IFT25: variants seen among roughly 807,000 people sequenced by gnomAD.
IFT25 encodes the protein intraflagellar transport protein 25 homolog.
the IFT25 span, among the ~76,000 whole-genome samples, chr1:53,926,526 G>A: frequency 6.6e-6 from 1 of 151,966 alleles, no homozygotes; most frequent in Non-Finnish European, 1.5e-5. Flanking sequence ...TAAAAATAGT[G>A]GTTTAATATA....
the IFT25 span, among the ~76,000 whole-genome samples, chr1:53,914,205 C>A: frequency 4.3e-4 from 66 of 152,194 alleles, 3 homozygotes; most frequent in African/African-American, 1.4e-4. Context: ...CCTTTCATAA[C>A]CATGACACGT....
At chr1:53,928,456 A>C in the IFT25 span, 2 of 1,569,712 alleles carry the variant, frequency 1.3e-6, no homozygotes, top group Non-Finnish European at 1.8e-6. Flanking sequence ...ATTGTAAACA[A>C]AGTAAGTAAA....
At chr1:53,945,427 C>A in the IFT25 span, 1 of 152,678 alleles carries the variant, frequency 6.5e-6, no homozygotes, top group Admixed American at 6.5e-5. Context: ...TCCACGCCTC[C>A]CGCCGCGCGT....
chr1:53,923,114 G>A, the IFT25 span, among the ~76,000 whole-genome samples: 1 of 152,152 alleles, frequency 6.6e-6, no homozygotes, highest in African/African-American at 2.4e-5. Flanking sequence ...GGCCTCCCCA[G>A]TACTTGGGTG....
chr1:53,932,779 T>C, the IFT25 span, among the ~76,000 whole-genome samples: 1 of 152,208 alleles, frequency 6.6e-6, no homozygotes, highest in East Asian at 1.9e-4. Context: ...TTGTCCAGGC[T>C]GGTCTCACAC....
the IFT25 span, among the ~76,000 whole-genome samples, chr1:53,935,406 G>A: frequency 1.3e-5 from 2 of 152,184 alleles, no homozygotes; most frequent in Admixed American, 6.5e-5. Flanking sequence ...GGGCTAGTAT[G>A]GATGGGAAAA....
chr1:53,932,596 G>T, the IFT25 span, among the ~76,000 whole-genome samples: 1 of 152,260 alleles, frequency 6.6e-6, no homozygotes, highest in East Asian at 1.9e-4. Flanking sequence ...ACAGAGTCTC[G>T]CTCTGTCACC....
chr1:53,934,849 A>G, the IFT25 span, among the ~76,000 whole-genome samples: 1 of 152,124 alleles, frequency 6.6e-6, no homozygotes, highest in Non-Finnish European at 1.5e-5. Context: ...AAATACAGAA[A>G]TGAGCCAGGT....
the IFT25 span, among the ~76,000 whole-genome samples, chr1:53,914,417 C>T: frequency 2.6e-5 from 4 of 151,998 alleles, no homozygotes; most frequent in South Asian, 6.2e-4. Flanking sequence ...GAGTAAAAAT[C>T]GCTTTACCCC....
chr1:53,928,284 C>A, the IFT25 span: 1 of 1,064,962 alleles, frequency 9.4e-7, no homozygotes, highest in South Asian at 1.4e-5. Context: ...CATCTTTTTT[C>A]ACCAAAGTGC....
the IFT25 span, among the ~76,000 whole-genome samples, chr1:53,914,706 G>C: frequency 6.6e-6 from 1 of 152,082 alleles, no homozygotes; most frequent in Admixed American, 6.6e-5. Flanking sequence ...GATGTACACT[G>C]CCACACACTA....
the IFT25 span, among the ~76,000 whole-genome samples, chr1:53,923,021 A>G: frequency 6.6e-6 from 1 of 152,208 alleles, no homozygotes; most frequent in South Asian, 2.1e-4. Flanking sequence ...GCAGGGGCTT[A>G]CTAATCATAA....
At chr1:53,919,972 C>CT in the IFT25 span, among the ~76,000 whole-genome samples, 5 of 151,900 alleles carry the variant, frequency 3.3e-5, no homozygotes, top group Non-Finnish European at 7.4e-5. Flanking sequence ...TTATTTTTAA[C>CT]TTTTTTTGTA....
chr1:53,941,417 T>C, the IFT25 span, among the ~76,000 whole-genome samples: 160 of 152,292 alleles, frequency 1.1e-3, no homozygotes, highest in South Asian at 2.3e-3. Flanking sequence ...AAAATGCATT[T>C]CTTCTTAGTT....
At chr1:53,940,102 A>G in the IFT25 span, 1 of 1,381,304 alleles carries the variant, frequency 7.2e-7, no homozygotes, top group Non-Finnish European at 1.0e-6. Context: ...TTTAACCTGC[A>G]AATTAAAAAA....
chr1:53,921,716 C>G, the IFT25 span: 1 of 1,613,932 alleles, frequency 6.2e-7, no homozygotes, highest in East Asian at 2.2e-5. Flanking sequence ...GCAAAATGAT[C>G]AAAGGCTGAT....
the IFT25 span, among the ~76,000 whole-genome samples, chr1:53,930,872 A>G: frequency 1.3e-5 from 2 of 152,332 alleles, no homozygotes; most frequent in African/African-American, 4.8e-5. Context: ...TAAGTCATAT[A>G]TAGGCAAAAT....
chr1:53,918,469 T>C, the IFT25 span, among the ~76,000 whole-genome samples: 1 of 152,192 alleles, frequency 6.6e-6, no homozygotes, highest in South Asian at 2.1e-4. Context: ...GGCAATCAAA[T>C]GCCTCAGCCT....
At chr1:53,923,663 A>G in the IFT25 span, 19 of 386,604 alleles carry the variant, frequency 4.9e-5, no homozygotes, top group African/African-American at 3.1e-4. Context: ...AATGAGAAAA[A>G]TAAAACAAAA....
Sources: allele counts gnomAD v4.1 joint callset (sites outside exome capture counted in the v4.1 genomes callset), GRCh38; gene constraint gnomAD v4.1.1; transcripts MANE v1.5; gene names NCBI Gene and HGNC (gene_info 2026-07-23, HGNC 2026-07-21).